The following FALEC variants were observed in gnomAD, a reference collection of about 807,000 sequenced individuals.
FALEC encodes focally amplified lncRNA regulator of ECM1, also known as focally amplified lncRNA on chromosome 1.
the FALEC span, among the ~76,000 whole-genome samples, chr1:150,527,385 A>C: frequency 6.6e-6 from 1 of 151,480 alleles, no homozygotes; most frequent in South Asian, 2.1e-4. Context: ...CAGCCTCCCG[A>C]GTAGCTGGGA....
downstream of FALEC, among the ~76,000 whole-genome samples, chr1:150,519,169 C>A (rs1670608063): frequency 6.6e-6 from 1 of 152,142 alleles, no homozygotes; most frequent in Non-Finnish European, 1.5e-5. Context: ...GCCAAAGCAT[C>A]CCAGAGGCCC....
chr1:150,522,015 T>C (rs1670649700), downstream of FALEC, among the ~76,000 whole-genome samples: 1 of 151,314 alleles, frequency 6.6e-6, no homozygotes, highest in Non-Finnish European at 1.5e-5. Context: ...GAGTCCAAGG[T>C]GGGCAGATCA....
downstream of FALEC, among the ~76,000 whole-genome samples, chr1:150,518,559 T>A (rs1366264693): frequency 6.6e-6 from 1 of 151,606 alleles, no homozygotes; most frequent in Non-Finnish European, 1.5e-5. Context: ...TCATTTTGCA[T>A]TTTTTTAGTA....
chr1:150,535,634 C>A, the FALEC span, among the ~76,000 whole-genome samples: 1 of 152,208 alleles, frequency 6.6e-6, no homozygotes, highest in Admixed American at 6.5e-5. Context: ...CAGTTACGGG[C>A]TTTATGTGCA....
chr1:150,534,944 AC>A, the FALEC span, among the ~76,000 whole-genome samples: 1 of 151,418 alleles, frequency 6.6e-6, no homozygotes, highest in Non-Finnish European at 1.5e-5. Context: ...TTCAGGACCC[AC>A]CTGTTCTCAG....
At chr1:150,516,494 T>C (rs1670571296) in intron 1 of FALEC, among the ~76,000 whole-genome samples, 2 of 152,196 alleles carry the variant, frequency 1.3e-5, no homozygotes, top group Non-Finnish European at 1.5e-5. Context: ...TGCTGAGAGT[T>C]AAAGAATTCT....
the FALEC span, among the ~76,000 whole-genome samples, chr1:150,529,629 G>A: frequency 0.025 from 3,734 of 150,394 alleles, 150 homozygotes; most frequent in African/African-American, 0.086. Context: ...GTGGAGTCTC[G>A]CTCTGTCACC....
At chr1:150,533,864 G>C in the FALEC span, among the ~76,000 whole-genome samples, 1 of 152,144 alleles carries the variant, frequency 6.6e-6, no homozygotes, top group Admixed American at 6.6e-5. Flanking sequence ...CATATGCATG[G>C]GGTATTTTAA....
chr1:150,526,753 C>T, the FALEC span, among the ~76,000 whole-genome samples: 83 of 152,018 alleles, frequency 5.5e-4, no homozygotes, highest in Non-Finnish European at 6.9e-4. Flanking sequence ...CCTGCCTCAG[C>T]CTCCCAAGTA....
the FALEC span, among the ~76,000 whole-genome samples, chr1:150,534,885 C>A: frequency 6.6e-6 from 1 of 151,324 alleles, no homozygotes; most frequent in African/African-American, 2.4e-5. Flanking sequence ...TCTCCAGAAT[C>A]TTGGCTGGAA....
chr1:150,529,585 T>C, the FALEC span, among the ~76,000 whole-genome samples: 2 of 152,078 alleles, frequency 1.3e-5, no homozygotes, highest in African/African-American at 2.4e-5. Context: ...ATGGAAAGAT[T>C]TGTGGGGATC....
the FALEC span, among the ~76,000 whole-genome samples, chr1:150,530,820 A>C: frequency 2.0e-5 from 3 of 152,178 alleles, no homozygotes; most frequent in Non-Finnish European, 4.4e-5. Flanking sequence ...ATAGATATCC[A>C]GCTTTTGGTT....
downstream of FALEC, among the ~76,000 whole-genome samples, chr1:150,522,981 A>ATTTT (rs1560270906): frequency 1.4e-4 from 3 of 21,446 alleles, no homozygotes; most frequent in African/African-American, 4.5e-4. Context: ...ATATATATAT[A>ATTTT]TATTTTTTTT....
At chr1:150,535,845 C>T in the FALEC span, among the ~76,000 whole-genome samples, 4 of 152,142 alleles carry the variant, frequency 2.6e-5, no homozygotes, top group Non-Finnish European at 5.9e-5. Flanking sequence ...AACTGGAGAA[C>T]GAAAGTCCAC....
At chr1:150,520,513 T>C (rs1670624950), downstream of FALEC, among the ~76,000 whole-genome samples, 2 of 152,208 alleles carry the variant, frequency 1.3e-5, no homozygotes, top group Non-Finnish European at 1.5e-5. Context: ...CTTTTATGGC[T>C]GAATCATATT....
the FALEC span, among the ~76,000 whole-genome samples, chr1:150,532,980 C>T: frequency 6.6e-6 from 1 of 152,146 alleles, no homozygotes; most frequent in Non-Finnish European, 1.5e-5. Flanking sequence ...GCATGGGGAA[C>T]AGCTTCGGCA....
intron 1 of FALEC, among the ~76,000 whole-genome samples, chr1:150,516,279 T>G (rs911734058): frequency 6.6e-6 from 1 of 151,300 alleles, no homozygotes; most frequent in African/African-American, 2.4e-5. Context: ...GGCTTTGGTC[T>G]GTGCAGGAGC....
At chr1:150,520,098 A>G (rs1482224829), downstream of FALEC, among the ~76,000 whole-genome samples, 1 of 152,126 alleles carries the variant, frequency 6.6e-6, no homozygotes, top group Non-Finnish European at 1.5e-5. Flanking sequence ...GTCATGAGCC[A>G]AGATCACACC....
chr1:150,533,273 G>A, the FALEC span, among the ~76,000 whole-genome samples: 1 of 152,102 alleles, frequency 6.6e-6, no homozygotes, highest in South Asian at 2.1e-4. Flanking sequence ...GTTGAGGGAC[G>A]GCCTTGAGGG....
Sources: gnomAD v4.1 joint callset for allele counts (sites outside exome capture counted in the v4.1 genomes callset) on GRCh38, gnomAD v4.1.1 for gene constraint, MANE v1.5 for transcripts, NCBI Gene and HGNC (gene_info 2026-07-23, HGNC 2026-07-21) for gene names.